Variants in EPB41L5 observed in about 807,000 individuals in gnomAD.
EPB41L5 encodes erythrocyte membrane protein band 4.1 like 5.
EPB41L5 carries 55 observed loss-of-function variants against 106.6 expected under a neutral mutation model. The ratio of observed to expected loss-of-function variants is 0.52; its 90% CI spans 0.42 to 0.65. The LOEUF is 0.65. Ranked by LOEUF, EPB41L5 falls within the 30% of genes least tolerant of loss-of-function variation. The pLI is 0.00. For missense variants in EPB41L5, 871 were observed against 882.1 expected (o/e 0.99, Z 0.16); for synonymous variants, 297 against 306.7 (o/e 0.97, Z 0.33).
intron 20 of EPB41L5, among the ~76,000 whole-genome samples, chr2:120,153,871 A>G (rs1019240436): frequency 1.1e-4 from 16 of 152,152 alleles, no homozygotes; most frequent in African/African-American, 2.9e-4. Context: ...TTCAGTTTCA[A>G]TCTATTCACA....
At chr2:120,097,877 G>A (rs12476921) in intron 14 of EPB41L5, among the ~76,000 whole-genome samples, 97,816 of 152,018 alleles carry the variant, frequency 0.64, 32,626 homozygotes, top group Middle Eastern at 0.76. Flanking sequence ...GGAAGCTATG[G>A]TTCAATTAAC....
chr2:120,091,787 T>G, intron 13 of EPB41L5, 126 bp downstream of exon 13: 1 of 681,852 alleles, frequency 1.5e-6, no homozygotes, highest in Non-Finnish European at 2.5e-6. Flanking sequence ...CTAAAGTACT[T>G]TTCTGGCAGA....
intron 3 of EPB41L5, among the ~76,000 whole-genome samples, chr2:120,052,442 C>T (rs1276742946): frequency 6.6e-6 from 1 of 152,182 alleles, no homozygotes; most frequent in Admixed American, 6.5e-5. Context: ...CTAGGCCTCA[C>T]CACTATGAAG....
At position 120,145,897 on chromosome 2, in the gene EPB41L5, G is replaced by A. The variant is rs141353992; in HGVS notation, c.1729-328G>A. On this transcript the variant is annotated intron_variant, in intron 19 of 24. Transcript: ENST00000263713. ...GGAGGCAGAGGTTGCAGTGAGCTGA[G>A]ATTGTACCACTGCACTCCAGCCTGG... 5.8e-3 allele frequency among the ~76,000 whole-genome samples: 879 copies of A among 152,032 alleles called. 10 individuals carry two copies. The highest frequency in any genetic ancestry group is 0.038 in the South Asian group (181 of 4,816).
intron 14 of EPB41L5, 88 bp downstream of exon 14, chr2:120,093,364 A>G: frequency 9.1e-7 from 1 of 1,094,168 alleles, no homozygotes. Flanking sequence ...AGACCTATCA[A>G]AATGTCAAGT....
At chr2:120,158,336 C>CA (rs1218469885) in intron 20 of EPB41L5, among the ~76,000 whole-genome samples, 1 of 152,110 alleles carries the variant, frequency 6.6e-6, no homozygotes, top group Non-Finnish European at 1.5e-5. Flanking sequence ...AACATCAATG[C>CA]AAAAGTCCTC....
At chr2:120,168,727 G>A (rs1687530999) in intron 24 of EPB41L5, among the ~76,000 whole-genome samples, 1 of 152,172 alleles carries the variant, frequency 6.6e-6, no homozygotes, top group Admixed American at 6.5e-5. Context: ...AAGAAATTCA[G>A]TTTAATTTCA....
chr2:120,153,683 C>T (rs1686777235), intron 20 of EPB41L5, among the ~76,000 whole-genome samples: 1 of 152,046 alleles, frequency 6.6e-6, no homozygotes, highest in Non-Finnish European at 1.5e-5. Flanking sequence ...GTTGATAGTT[C>T]TGTATATGTT....
rs757627174 is a variant in EPB41L5, at chr2:120,104,145, A to G, written c.1337+3331A>G. ...GCCCCCACCCCAGACCGCACATAGAAACTACACTGACTTTGTTCATGAGCA... is the reference window on the plus strand; with the variant it reads ...GCCCCCACCCCAGACCGCACATAGAGACTACACTGACTTTGTTCATGAGCA... On this transcript the variant is annotated intron_variant, in intron 16 of 24. Transcript: ENST00000263713. The G allele has an allele frequency of 9.1e-6, 14 of 1,535,974 alleles. No individual in the cohort carries two copies. The South Asian group carries it at 1.7e-4, about 18-fold the overall frequency.
At chr2:120,150,837 C>G (rs558470586) in intron 20 of EPB41L5, among the ~76,000 whole-genome samples, 1 of 152,226 alleles carries the variant, frequency 6.6e-6, no homozygotes, top group African/African-American at 2.4e-5. Flanking sequence ...TCTTAGTGAT[C>G]AGCCTTTTGA....
chr2:120,026,675 C>T (rs2105151944), intron 2 of EPB41L5, among the ~76,000 whole-genome samples: 1 of 152,258 alleles, frequency 6.6e-6, no homozygotes, highest in East Asian at 1.9e-4. Flanking sequence ...GGCCTGGCAC[C>T]ACTTTCTTAC....
At chr2:120,027,696 C>T (rs548656693) in intron 2 of EPB41L5, among the ~76,000 whole-genome samples, 7 of 152,182 alleles carry the variant, frequency 4.6e-5, no homozygotes, top group South Asian at 2.1e-4. Context: ...GCACATGCCA[C>T]GGTGCCTGGC....
At chr2:120,023,432 A>G (rs967009363) in intron 2 of EPB41L5, among the ~76,000 whole-genome samples, 6 of 152,174 alleles carry the variant, frequency 3.9e-5, no homozygotes, top group African/African-American at 1.4e-4. Context: ...CCATTTATTA[A>G]ATAGGGAATC....
At chr2:120,123,404 T>TA (rs1437338502) in intron 16 of EPB41L5, among the ~76,000 whole-genome samples, 1 of 632 alleles carries the variant, frequency 1.6e-3, no homozygotes, top group Non-Finnish European at 0.019. Flanking sequence ...GTTGATCACT[T>TA]GTTTTAGAAA....
intron 3 of EPB41L5, among the ~76,000 whole-genome samples, chr2:120,056,781 A>T (rs1680684528): frequency 6.6e-6 from 1 of 151,718 alleles, no homozygotes; most frequent in South Asian, 2.1e-4. Flanking sequence ...ATTAGTGTTA[A>T]TTCTTTCAAC....
chr2:120,109,491 A>T (rs2105423244), intron 16 of EPB41L5, among the ~76,000 whole-genome samples: 1 of 152,266 alleles, frequency 6.6e-6, no homozygotes, highest in East Asian at 1.9e-4. Context: ...CAGTGAACTT[A>T]CCTGCATTTG....
intron 20 of EPB41L5, among the ~76,000 whole-genome samples, chr2:120,157,009 A>G (rs1362218691): frequency 1.3e-5 from 2 of 152,226 alleles, no homozygotes; most frequent in African/African-American, 2.4e-5. Context: ...TGCATGGCAC[A>G]TACTCTAAAG....
intron 21 of EPB41L5, among the ~76,000 whole-genome samples, chr2:120,162,588 GA>G (rs1175885314): frequency 6.6e-6 from 1 of 152,190 alleles, no homozygotes; most frequent in African/African-American, 2.4e-5. Context: ...AATCTGAAAA[GA>G]TACATTGACT....
At chr2:120,136,102 G>A (rs568866168) in intron 18 of EPB41L5, among the ~76,000 whole-genome samples, 7 of 150,354 alleles carry the variant, frequency 4.7e-5, no homozygotes, top group East Asian at 2.0e-4. Context: ...TGGGGGTGGC[G>A]GTTTGAAGTT....
Sources: allele counts gnomAD v4.1 joint callset (sites outside exome capture counted in the v4.1 genomes callset), GRCh38; gene constraint gnomAD v4.1.1; transcripts MANE v1.5; gene names NCBI Gene and HGNC (gene_info 2026-07-23, HGNC 2026-07-21).